Variants in KCNK1 observed in about 807,000 individuals in gnomAD.
The protein encoded by KCNK1 is potassium two pore domain channel subfamily K member 1, also known as potassium channel subfamily K member 1.
A neutral mutation model predicts 22.2 loss-of-function variants in KCNK1; 10 were observed. The observed-to-expected ratio is 0.45, with a 90% CI of 0.28 to 0.76. The LOEUF (loss-of-function observed/expected upper bound fraction) is 0.76, where lower values mean the gene tolerates loss of function less well. Among genes scored for constraint, KCNK1 ranks in the 30% least tolerant of loss-of-function variants. KCNK1 has a pLI of 0.14. For missense variants in KCNK1, 378 were observed against 421.0 expected, an observed-to-expected ratio of 0.90 and a Z score of 0.89; for synonymous variants, 200 against 186.4, an observed-to-expected ratio of 1.07 and a Z score of -0.60.
chr1:233,618,258 T>C (rs376976963), intron 1 of KCNK1, among the ~76,000 whole-genome samples: 27 of 152,182 alleles, frequency 1.8e-4, no homozygotes, highest in East Asian at 1.2e-3. Context: ...AACATCTGCA[T>C]AGGAATCTTA....
chr1:233,667,318 T>C (rs1313288307), intron 2 of KCNK1, among the ~76,000 whole-genome samples: 4 of 152,250 alleles, frequency 2.6e-5, no homozygotes, highest in Non-Finnish European at 5.9e-5. Context: ...TTTCATTTTA[T>C]GGTTTCCTTC....
At position 233,614,466 on chromosome 1, in the gene KCNK1, A is replaced by G. The variant is rs1326609013; in HGVS notation, c.295A>G (p.Asn99Asp). The change falls in exon 1 of 3, where the codon AAC becomes GAC. Residue 99 changes from asparagine to aspartate, a missense_variant. Physicochemically the swap from Asn to Asp is conservative, Grantham distance 23. Coordinates refer to ENST00000366621, the MANE Select transcript of KCNK1 (RefSeq NM_002245.4). ...GVSVLSNASG[N>D]WNWDFTSALF... ...GTCGGTGCTCAGCAACGCCTCGGGC[A>G]ACTGGAACTGGGACTTCACCTCCGC... The G allele has an allele frequency of 3.7e-6, 6 of 1,613,042 alleles. No homozygotes were observed. Among genetic ancestry groups the G allele is most frequent in the Non-Finnish European group, 5.1e-6 (6 of 1,179,700 alleles).
chr1:233,656,073 G>A (rs1261571609), intron 1 of KCNK1, among the ~76,000 whole-genome samples: 1 of 152,208 alleles, frequency 6.6e-6, no homozygotes, highest in African/African-American at 2.4e-5. Context: ...GAGACCATCA[G>A]TAATTGTAAT....
In KCNK1 at chr1:233,632,692, C is replaced by T. The variant is rs145630046; in HGVS notation, c.355+18166C>T. 6.8e-4 allele frequency among the ~76,000 whole-genome samples: 103 copies of T among 152,198 alleles called. 1 individual carries two copies. The East Asian group carries it at 0.019, about 29-fold the overall frequency. ...TTTGTCCTTCCCTGCATTGGTGCTT[C>T]TGCTGTCCACTCACTGGTCTTAGAG... is the stretch of plus-strand genomic sequence containing the variant. On this transcript the variant is annotated intron_variant, in intron 1 of 2. Transcript: ENST00000366621.
intron 1 of KCNK1, among the ~76,000 whole-genome samples, chr1:233,659,671 G>A (rs545419486): frequency 2.0e-5 from 3 of 151,920 alleles, no homozygotes; most frequent in African/African-American, 7.2e-5. Context: ...GTAATGCATC[G>A]CCTTATGATG....
intron 1 of KCNK1, among the ~76,000 whole-genome samples, chr1:233,638,740 A>C (rs1274329801): frequency 6.6e-6 from 1 of 152,182 alleles, no homozygotes; most frequent in Non-Finnish European, 1.5e-5. Context: ...CCAGCTCTGC[A>C]TCCATGGGCT....
intron 1 of KCNK1, among the ~76,000 whole-genome samples, chr1:233,633,170 A>G (rs1439645309): frequency 1.3e-5 from 2 of 150,920 alleles, no homozygotes; most frequent in Admixed American, 1.3e-4. Flanking sequence ...GTTACAAGCA[A>G]TACTGGTTTC....
chr1:233,627,979 G>A (rs996557269), intron 1 of KCNK1, among the ~76,000 whole-genome samples: 9 of 152,130 alleles, frequency 5.9e-5, no homozygotes, highest in East Asian at 5.8e-4. Context: ...TCTCTGTTTC[G>A]CTTCACTCAG....
chr1:233,629,945 A>G (rs701220), intron 1 of KCNK1: 64,947 of 151,676 alleles, frequency 0.43, 16,424 homozygotes, highest in African/African-American at 0.71. Context: ...TGTACGTAGG[A>G]ATATAAGTTT....
At chr1:233,646,002 G>A (rs1658085904) in intron 1 of KCNK1, among the ~76,000 whole-genome samples, 1 of 152,158 alleles carries the variant, frequency 6.6e-6, no homozygotes. Flanking sequence ...ACTAGGGGAG[G>A]GACAATTTGG....
intron 1 of KCNK1, among the ~76,000 whole-genome samples, chr1:233,663,364 A>G (rs1658436247): frequency 6.6e-6 from 1 of 152,230 alleles, no homozygotes; most frequent in Non-Finnish European, 1.5e-5. Context: ...AGAGTCTTAT[A>G]ATGATTATCT....
intron 1 of KCNK1, among the ~76,000 whole-genome samples, chr1:233,627,101 A>G (rs1465612343): frequency 6.6e-6 from 1 of 152,108 alleles, no homozygotes; most frequent in Admixed American, 6.5e-5. Context: ...TACTGATGGG[A>G]GGATTTTCAT....
Position 233,671,819 on chromosome 1 carries a change from T to C in KCNK1, c.*289T>C, listed in dbSNP as rs1658604728. The C allele has an allele frequency of 2.7e-6, 1 of 365,282 alleles. No individual in the cohort carries two copies. The highest frequency in any genetic ancestry group is 4.4e-5 in the Admixed American group (1 of 22,962). 22.6% of individuals were successfully genotyped at this position (365,282 alleles called of 1,614,324 possible). Reference sequence around the variant, plus strand: ...GAGGAGAATACTTGAAGCAGTATGCTGCTGTGGTTAGAAGCAGATTTTATA... The same window carrying C: ...GAGGAGAATACTTGAAGCAGTATGCCGCTGTGGTTAGAAGCAGATTTTATA... On this transcript the variant is annotated 3_prime_UTR_variant, in exon 3 of 3. Transcript: ENST00000366621.
chr1:233,634,497 A>T (rs902101358), intron 1 of KCNK1, among the ~76,000 whole-genome samples: 8 of 152,280 alleles, frequency 5.3e-5, no homozygotes, highest in African/African-American at 1.9e-4. Context: ...GTATCAATAA[A>T]TGGCTGCTTA....
chr1:233,657,579 T>C (rs1159603285), intron 1 of KCNK1, among the ~76,000 whole-genome samples: 5 of 145,078 alleles, frequency 3.4e-5, no homozygotes, highest in African/African-American at 7.7e-5. Context: ...TGTGTAATTA[T>C]GATGATTAGC....
At chr1:233,656,596 A>G (rs1658301238) in intron 1 of KCNK1, among the ~76,000 whole-genome samples, 1 of 152,170 alleles carries the variant, frequency 6.6e-6, no homozygotes, top group Non-Finnish European at 1.5e-5. Flanking sequence ...AGGGTGACAA[A>G]GCTTCAATTA....
intron 1 of KCNK1, chr1:233,624,172 T>C (rs701213): frequency 0.28 from 43,161 of 153,970 alleles, 6,346 homozygotes; most frequent in East Asian, 0.37. Flanking sequence ...GGGGCTTATT[T>C]AGACAATGGT....
chr1:233,663,492 TTACTTTTTTTTCTC>T (rs1355768968), intron 1 of KCNK1, among the ~76,000 whole-genome samples: 2 of 152,346 alleles, frequency 1.3e-5, no homozygotes, highest in East Asian at 3.9e-4. Flanking sequence ...AGAAGTTTGT[TTACTTTTTTTTCTC>T]TACTAGAACC....
intron 1 of KCNK1, among the ~76,000 whole-genome samples, chr1:233,625,467 A>G (rs549255240): frequency 6.6e-6 from 1 of 152,182 alleles, no homozygotes; most frequent in African/African-American, 2.4e-5. Context: ...GGTATTCCAG[A>G]TTTTATGGCT....
Sources: allele counts gnomAD v4.1 joint callset (sites outside exome capture counted in the v4.1 genomes callset), GRCh38; gene constraint gnomAD v4.1.1; transcripts MANE v1.5; gene names NCBI Gene and HGNC (gene_info 2026-07-23, HGNC 2026-07-21).